Variants in USP37 observed in about 807,000 individuals in gnomAD.
The protein encoded by USP37 is ubiquitin specific peptidase 37.
USP37 carries 27 observed loss-of-function variants against 124.0 expected under a neutral mutation model. The observed-to-expected ratio is 0.22, with a 90% CI of 0.16 to 0.30. USP37 has a LOEUF of 0.30. USP37 is among the 10% of genes least tolerant of loss of function. The probability of loss-of-function intolerance (pLI) is 1.00; values close to 1 mark genes in which losing one functional copy is unlikely to be tolerated. For synonymous variants in USP37, 365 were observed against 388.0 expected (o/e 0.94, Z 0.70); for missense variants, 889 against 1,140.4 (o/e 0.78, Z 3.17).
chr2:218,456,318 G>C (rs1689695860), intron 24 of USP37, among the ~76,000 whole-genome samples: 1 of 151,936 alleles, frequency 6.6e-6, no homozygotes, highest in Non-Finnish European at 1.5e-5. Flanking sequence ...AGGTGTGGTG[G>C]CATGCACGTG....
In USP37 at chr2:218,553,815, A is replaced by G; in HGVS notation, c.157-91T>C. 6 of 1,251,404 alleles carry G rather than the reference A, an allele frequency of 4.8e-6. No homozygotes were observed. The South Asian group carries it at 9.7e-5, about 20-fold the overall frequency. 77.5% of individuals were successfully genotyped at this position (1,251,404 alleles called of 1,614,324 possible). A position where few individuals can be genotyped will look rare whatever the true frequency, so the allele number is the denominator to read the frequency against. On this transcript the variant is annotated intron_variant, in intron 4 of 25. Transcript: ENST00000258399. ...ATAAATACTAAACTTTATACTTTCC[A>G]TGTTACATTTATCACTCTTCCCCAC...
At chr2:218,555,356 C>A (rs994708290) in intron 4 of USP37, among the ~76,000 whole-genome samples, 3 of 151,988 alleles carry the variant, frequency 2.0e-5, no homozygotes. Context: ...ACAATTTTGC[C>A]AATTTATATT....
At chr2:218,536,050 A>AAAAATC (rs1319366946) in intron 8 of USP37, among the ~76,000 whole-genome samples, 1 of 151,400 alleles carries the variant, frequency 6.6e-6, no homozygotes, top group East Asian at 1.9e-4. Context: ...AAAGGAAAAG[A>AAAAATC]AAAATCAAAA....
Position 218,521,326 on chromosome 2 carries a change from A to C in USP37, c.863+8630T>G, listed in dbSNP as rs576752354. 2.0e-5 allele frequency among the ~76,000 whole-genome samples: 3 copies of C among 152,046 alleles called. No homozygotes were observed. The East Asian group carries it at 5.8e-4, about 29-fold the overall frequency. ...GCATTCCTTGCCTTTAGATCTAGAG[A>C]TTTTATTTTTTAAATTTTACCTCAA... On this transcript the variant is annotated intron_variant, in intron 10 of 25. Transcript: ENST00000258399.
At chr2:218,472,154 C>A (rs1389642123) in intron 20 of USP37, among the ~76,000 whole-genome samples, 2 of 152,068 alleles carry the variant, frequency 1.3e-5, no homozygotes, top group African/African-American at 2.4e-5. Flanking sequence ...AAACTTCTTA[C>A]GTAGCAGCTT....
chr2:218,459,926 A>C, intron 22 of USP37, 21 bp from the exon 23 acceptor site: 1 of 1,590,674 alleles, frequency 6.3e-7, no homozygotes, highest in Non-Finnish European at 8.6e-7. Flanking sequence ...CAAAGACAAA[A>C]TCTTATAAAA....
At chr2:218,481,174 G>A (rs1037951532) in intron 17 of USP37, among the ~76,000 whole-genome samples, 2 of 152,162 alleles carry the variant, frequency 1.3e-5, no homozygotes, top group Non-Finnish European at 2.9e-5. Flanking sequence ...AAAGAAGTCC[G>A]AAGGTTTTCC....
In USP37 at chr2:218,529,879, T is replaced by C. The variant is rs575328638; in HGVS notation, c.863+77A>G. ...CATATTCACTTAAGAGGATAATACA[T>C]AACCTATCCAATCATTCAATATTCT... On this transcript the variant is annotated intron_variant, in intron 10 of 25. Transcript: ENST00000258399. 1.0e-4 allele frequency: 117 copies of C among 1,142,960 alleles called. 3 individuals carry two copies. The South Asian group carries it at 1.6e-3, about 16-fold the overall frequency. The allele number at this position is 1,142,960 out of a possible 1,614,324, so 70.8% of individuals were successfully genotyped here.
intron 1 of USP37, among the ~76,000 whole-genome samples, chr2:218,563,163 C>CA (rs11399554): frequency 0.62 from 76,658 of 123,320 alleles, 21,895 homozygotes; most frequent in East Asian, 0.8. Context: ...AACTCCATCT[C>CA]AAAAAAAAAA....
intron 10 of USP37, among the ~76,000 whole-genome samples, chr2:218,514,652 T>C (rs997178962): frequency 7.2e-5 from 11 of 152,214 alleles, no homozygotes; most frequent in African/African-American, 2.4e-4. Flanking sequence ...AATTAAGAAA[T>C]ATAGGGAGAT....
intron 22 of USP37, among the ~76,000 whole-genome samples, chr2:218,460,115 C>T (rs1396562029): frequency 3.1e-5 from 4 of 130,300 alleles, no homozygotes; most frequent in African/African-American, 5.9e-5. Flanking sequence ...AAAAAATTAG[C>T]CAGGAGTGGT....
At chr2:218,541,792 A>G (rs1691986945) in intron 8 of USP37, among the ~76,000 whole-genome samples, 1 of 152,120 alleles carries the variant, frequency 6.6e-6, no homozygotes, top group African/African-American at 2.4e-5. Flanking sequence ...TAAACGGTAC[A>G]AGCTAGGGGA....
intron 19 of USP37, among the ~76,000 whole-genome samples, chr2:218,475,782 G>A (rs1421738728): frequency 2.6e-5 from 4 of 151,654 alleles, no homozygotes; most frequent in Non-Finnish European, 4.4e-5. Flanking sequence ...AAAAATTAGG[G>A]AGATGTTGTG....
chr2:218,507,491 G>T (rs983844238), intron 11 of USP37, among the ~76,000 whole-genome samples: 9 of 152,048 alleles, frequency 5.9e-5, no homozygotes, highest in Non-Finnish European at 1.2e-4. Context: ...ACTGTAAACG[G>T]TTTACTTCAT....
intron 25 of USP37, 121 bp from the exon 26 acceptor site, chr2:218,455,138 C>T: frequency 1.7e-6 from 2 of 1,173,866 alleles, no homozygotes; most frequent in Non-Finnish European, 2.4e-6. Context: ...CATTTCATGC[C>T]TGTATTTTAT....
chr2:218,473,506 G>A (rs530582300), intron 20 of USP37, among the ~76,000 whole-genome samples: 2 of 152,118 alleles, frequency 1.3e-5, no homozygotes, highest in Admixed American at 1.3e-4. Flanking sequence ...TGAGAATGTA[G>A]AAAATAATTT....
At position 218,540,757 on chromosome 2, in the gene USP37, G is replaced by A. The variant is rs539981961; in HGVS notation, c.680+5464C>T. Among the ~76,000 whole-genome samples the A allele has an allele frequency of 4.6e-5, 7 of 152,254 alleles. No individual in the cohort carries two copies. In the South Asian group the frequency reaches 1.5e-3, roughly 32 times the overall value. ...GAAAGTAAAATCATGCATAAGGGGG[G>A]ACTACTATATACATTTGCCTATGCT... On this transcript the variant is annotated intron_variant, in intron 8 of 25. Coordinates refer to ENST00000258399, the MANE Select transcript of USP37 (RefSeq NM_020935.3).
In USP37 at chr2:218,526,785, C is replaced by CTTTTTTTTTTTTT. The variant is rs71064454; in HGVS notation, c.863+3158_863+3170dup. On this transcript the variant is annotated intron_variant, in intron 10 of 25. Coordinates refer to ENST00000258399, the MANE Select transcript of USP37 (RefSeq NM_020935.3). The stretch of plus-strand genomic sequence containing the variant: ...AACGTAAGTTTCTTCATTTCATTTG[C>CTTTTTTTTTTTTT]TTTTTTTTTTTTTTTTTTTTTGGGA... Among the ~76,000 whole-genome samples the CTTTTTTTTTTTTT allele has an allele frequency of 3.2e-4, 24 of 75,934 alleles. 4 individuals carry two copies. The highest frequency in any genetic ancestry group is 1.1e-3 in the African/African-American group (19 of 17,734). 49.8% of individuals were successfully genotyped at this position (75,934 alleles called of 152,430 possible).
At chr2:218,558,789 G>A (rs894861014) in intron 3 of USP37, 112 bp from the exon 4 acceptor site, 96 of 789,696 alleles carry the variant, frequency 1.2e-4, no homozygotes, top group Admixed American at 6.2e-4. Context: ...TTTCTTCTGC[G>A]CCTTCATTTT....
Sources: allele counts gnomAD v4.1 joint callset (sites outside exome capture counted in the v4.1 genomes callset), GRCh38; gene constraint gnomAD v4.1.1; transcripts MANE v1.5; gene names NCBI Gene and HGNC (gene_info 2026-07-23, HGNC 2026-07-21).